The following RNF138 variants were observed in gnomAD, a reference collection of about 807,000 sequenced individuals.
RNF138 encodes E3 ubiquitin-protein ligase RNF138.
Under a neutral mutation model 31.0 loss-of-function variants are expected in RNF138, and 12 were observed. The observed-to-expected ratio is 0.39, with a 90% CI of 0.25 to 0.63. The LOEUF is 0.63. Ranked by LOEUF, RNF138 falls within the 20% of genes least tolerant of loss-of-function variation. The probability of loss-of-function intolerance (pLI) is 0.52; values close to 1 mark genes in which losing one functional copy is unlikely to be tolerated. For missense variants in RNF138, 192 were observed against 300.1 expected (o/e 0.64, Z 2.66); for synonymous variants, 105 against 99.5 (o/e 1.06, Z -0.33).
intron 7 of RNF138, among the ~76,000 whole-genome samples, chr18:32,127,630 G>GGTGCGCT (rs1187267513): frequency 1.3e-5 from 2 of 152,082 alleles, no homozygotes; most frequent in Non-Finnish European, 2.9e-5. Context: ...GTAAAATTTA[G>GGTGCGCT]GTGCGCTTTA....
At chr18:32,127,975 G>A (rs1262800035) in intron 7 of RNF138, among the ~76,000 whole-genome samples, 1 of 152,188 alleles carries the variant, frequency 6.6e-6, no homozygotes, top group Non-Finnish European at 1.5e-5. Context: ...AGCTACTCGG[G>A]AGGCTGAGGC....
chr18:32,124,889 AT>A, intron 6 of RNF138, 44 bp downstream of exon 6: 2 of 957,014 alleles, frequency 2.1e-6, no homozygotes, highest in Non-Finnish European at 3.4e-6. Context: ...AGAATAAAAC[AT>A]GCTGTTCTAT....
Position 32,106,534 on chromosome 18 carries a change from T to C in RNF138, c.111-5220T>C, listed in dbSNP as rs145101614. Among the ~76,000 whole-genome samples, 664 of 150,756 alleles carry C rather than the reference T, an allele frequency of 4.4e-3. 4 individuals are homozygous for C. The highest frequency in any genetic ancestry group is 6.3e-3 in the Non-Finnish European group (429 of 67,786). ...TGGAAGATACTAGAAGTTGAAAAAT[T>C]ATTTTTTATTTTATTTTATTTATTT... On this transcript the variant is annotated intron_variant, in intron 2 of 7. Coordinates refer to ENST00000261593, the MANE Select transcript of RNF138 (RefSeq NM_016271.5).
intron 4 of RNF138, among the ~76,000 whole-genome samples, chr18:32,121,642 A>G (rs1202915007): frequency 6.6e-6 from 1 of 152,224 alleles, no homozygotes; most frequent in African/African-American, 2.4e-5. Flanking sequence ...AAACCCAGTG[A>G]TTATATTAAT....
chr18:32,129,294 A>T lies in RNF138; in HGVS notation c.*107A>T. On this transcript the variant is annotated 3_prime_UTR_variant, in exon 8 of 8. Transcript: ENST00000261593. ...CTTGATGTGTATATTAATAAAAGTAATTCAGTCATTTTAGTTTTTGATTGA... is the reference window on the plus strand; with the variant it reads ...CTTGATGTGTATATTAATAAAAGTATTTCAGTCATTTTAGTTTTTGATTGA... The T allele has an allele frequency of 2.9e-6, 2 of 686,620 alleles. No individual in the cohort carries two copies. Among genetic ancestry groups the T allele is most frequent in the Non-Finnish European group, 5.0e-6 (2 of 397,266 alleles). The allele number at this position is 686,620 out of a possible 1,614,324, so 42.5% of individuals were successfully genotyped here.
In RNF138 at chr18:32,126,693, A is replaced by G; in HGVS notation, c.562A>G (p.Thr188Ala). ...GTTTAAAACAATCTGTTTCTTATAG[A>G]CATGTCCTATTTGTGTGTCTCTTCC... ...SNHLFQIVPVTCPICVSLPWG... is the reference protein window; with the variant it reads ...SNHLFQIVPVACPICVSLPWG... Residue 188 changes from threonine (T) to alanine (A), a missense_variant and splice_region_variant, in exon 7 of 8, where the codon ACA becomes GCA. This residue lies in a region of RNF138 where 140 missense variants were observed against 251.7 expected (regional missense o/e 0.56). Transcript: ENST00000261593. 1.3e-6 allele frequency: 2 copies of G among 1,528,908 alleles called. No homozygotes were observed. The highest frequency in any genetic ancestry group is 9.0e-7 in the Non-Finnish European group (1 of 1,105,724). The allele number at this position is 1,528,908 out of a possible 1,614,324, so 94.7% of individuals were successfully genotyped here. A position where few individuals can be genotyped will look rare whatever the true frequency, so the allele number is the denominator to read the frequency against.
chr18:32,103,817 T>G (rs1010937952), intron 2 of RNF138, among the ~76,000 whole-genome samples: 14 of 150,456 alleles, frequency 9.3e-5, no homozygotes, highest in African/African-American at 3.2e-4. Flanking sequence ...CAAAAAAAAA[T>G]TAGCCGGGCG....
intron 2 of RNF138, among the ~76,000 whole-genome samples, chr18:32,109,015 C>G (rs927246259): frequency 6.6e-6 from 1 of 152,052 alleles, no homozygotes; most frequent in Non-Finnish European, 1.5e-5. Context: ...GGAATTTATG[C>G]GCTCTAATGG....
chr18:32,121,127 C>A (rs1430245674), intron 4 of RNF138, among the ~76,000 whole-genome samples: 1 of 124,132 alleles, frequency 8.1e-6, no homozygotes, highest in East Asian at 2.2e-4. Context: ...AAGAGTGAGA[C>A]TGTCTCAAAA....
intron 6 of RNF138, among the ~76,000 whole-genome samples, chr18:32,126,439 G>T (rs1343641462): frequency 6.6e-6 from 1 of 152,130 alleles, no homozygotes; most frequent in Non-Finnish European, 1.5e-5. Flanking sequence ...GCTAGATGTG[G>T]TTTTTCTGTT....
At chr18:32,106,277 G>A (rs916458898) in intron 2 of RNF138, among the ~76,000 whole-genome samples, 3 of 152,142 alleles carry the variant, frequency 2.0e-5, no homozygotes, top group Non-Finnish European at 4.4e-5. Flanking sequence ...AAGTTTTAGT[G>A]TGCGGGTATG....
rs568354515 is a variant in RNF138, at chr18:32,126,268, A to G, written c.562-425A>G. On this transcript the variant is annotated intron_variant, in intron 6 of 7. Coordinates refer to ENST00000261593, the MANE Select transcript of RNF138 (RefSeq NM_016271.5). ...AAAAGAAAAACTAAGGATACAATTTAAAGTAAATTTTCCAGTTTACTTCAT... is the reference window on the plus strand; with the variant it reads ...AAAAGAAAAACTAAGGATACAATTTGAAGTAAATTTTCCAGTTTACTTCAT... Among the ~76,000 whole-genome samples the G allele has an allele frequency of 7.2e-5, 11 of 152,358 alleles. No individual in the cohort carries two copies. The South Asian group carries it at 2.3e-3, about 32-fold the overall frequency.
intron 4 of RNF138, among the ~76,000 whole-genome samples, chr18:32,121,121 G>A (rs892750472): frequency 2.8e-5 from 4 of 143,078 alleles, no homozygotes; most frequent in African/African-American, 7.8e-5. Context: ...GGAGACAAGA[G>A]TGAGACTGTC....
Position 32,123,513 on chromosome 18 carries a change from T to G in RNF138, c.393-5T>G. 3.2e-6 allele frequency: 5 copies of G among 1,571,796 alleles called. No homozygotes were observed. The highest frequency in any genetic ancestry group is 4.3e-6 in the Non-Finnish European group (5 of 1,159,850). On this transcript the variant is annotated splice_region_variant and splice_polypyrimidine_tract_variant and intron_variant, in intron 4 of 7. Transcript: ENST00000261593. ...GTATTAACTTTTTCCCCTGTGCTTC[T>G]TAAGCAATAGGAGTGAAACATCCAC...
intron 2 of RNF138, chr18:32,109,601 A>C (rs2040093486): frequency 6.6e-6 from 1 of 152,142 alleles, no homozygotes; most frequent in South Asian, 2.1e-4. Flanking sequence ...TTTTAAAACT[A>C]GTTTTGCTGG....
At chr18:32,092,595 C>A in intron 1 of RNF138, 105 bp from the exon 2 acceptor site, 1 of 589,894 alleles carries the variant, frequency 1.7e-6, no homozygotes, top group South Asian at 2.0e-5. Context: ...GCGCGTGCGG[C>A]AGTAGCGTCT....
intron 2 of RNF138, among the ~76,000 whole-genome samples, chr18:32,107,008 T>C (rs1323387098): frequency 6.6e-6 from 1 of 152,102 alleles, no homozygotes; most frequent in Non-Finnish European, 1.5e-5. Flanking sequence ...TTTCTCCTTT[T>C]GTTTCTTTGA....
At chr18:32,125,862 T>C (rs2040375906) in intron 6 of RNF138, among the ~76,000 whole-genome samples, 1 of 152,212 alleles carries the variant, frequency 6.6e-6, no homozygotes, top group African/African-American at 2.4e-5. Flanking sequence ...CTACCTACTT[T>C]GCTTATTAGA....
At position 32,126,678 on chromosome 18, in the gene RNF138, ATC is replaced by A. The variant is rs763263240; in HGVS notation, c.562-13_562-12del. 5.8e-6 allele frequency: 8 copies of A among 1,385,176 alleles called. No individual in the cohort carries two copies. In the South Asian group the frequency reaches 9.8e-5, roughly 17 times the overall value. The allele number at this position is 1,385,176 out of a possible 1,614,324, so 85.8% of individuals were successfully genotyped here. On this transcript the variant is annotated splice_polypyrimidine_tract_variant and intron_variant, in intron 6 of 7. Transcript: ENST00000261593. ...TTTTTATTATTTTTTGTTTAAAACA[ATC>A]TGTTTCTTATAGACATGTCCTATTT... is the stretch of plus-strand genomic sequence containing the variant.
Sources: gnomAD v4.1 joint callset for allele counts (sites outside exome capture counted in the v4.1 genomes callset) on GRCh38, gnomAD v4.1.1 for gene constraint, gnomAD v4.1.1 regional missense constraint, MANE v1.5 for transcripts, NCBI Gene and HGNC (gene_info 2026-07-23, HGNC 2026-07-21) for gene names.